CNTNAP2: variants seen among roughly 807,000 people sequenced by gnomAD.
CNTNAP2 encodes the protein contactin associated protein 2.
CNTNAP2 carries 98 observed loss-of-function variants against 155.2 expected under a neutral mutation model. The observed-to-expected ratio is 0.63, with a 90% CI of 0.54 to 0.75. CNTNAP2 has a LOEUF of 0.75. CNTNAP2 is among the 30% of genes least tolerant of loss of function. CNTNAP2 has a pLI of 0.00. For missense variants in CNTNAP2, 1,727 were observed against 1,688.1 expected (o/e 1.02, Z -0.40); for synonymous variants, 651 against 631.2 (o/e 1.03, Z -0.47).
chr7:147,502,737 GTGTGTA>G (rs760646816), intron 11 of CNTNAP2, among the ~76,000 whole-genome samples: 5,688 of 92,052 alleles, frequency 0.062, 285 homozygotes, highest in African/African-American at 0.19. Flanking sequence ...GTGTGTGTGT[GTGTGTA>G]TATATATATA....
chr7:147,735,589 GTC>G (rs1167945077), intron 13 of CNTNAP2, among the ~76,000 whole-genome samples: 1 of 144,290 alleles, frequency 6.9e-6, no homozygotes, highest in Non-Finnish European at 1.6e-5. Flanking sequence ...ATAACTTTCT[GTC>G]TTGTTGATCT....
intron 8 of CNTNAP2, among the ~76,000 whole-genome samples, chr7:147,197,390 A>C (rs1160552557): frequency 7.9e-6 from 1 of 125,808 alleles, no homozygotes; most frequent in Non-Finnish European, 1.6e-5. Flanking sequence ...TGCTTTTGTC[A>C]CTTGATTCTT....
rs529849180 is a variant in CNTNAP2, at chr7:147,326,131, A to T, written c.1498+25841A>T. On this transcript the variant is annotated intron_variant, in intron 9 of 23. Transcript: ENST00000361727. ...AGTAGAGATGGGGTTTCACCGTGTT[A>T]GCCAGGATGGTCTCGATCTCCTGAC... 2.0e-5 allele frequency among the ~76,000 whole-genome samples: 3 copies of T among 152,240 alleles called. No homozygotes were observed. The East Asian group carries it at 5.8e-4, about 30-fold the overall frequency.
intron 4 of CNTNAP2, among the ~76,000 whole-genome samples, chr7:147,105,372 A>G (rs1008559207): frequency 6.6e-6 from 1 of 151,960 alleles, no homozygotes; most frequent in Non-Finnish European, 1.5e-5. Flanking sequence ...TATTGTTCAG[A>G]TTGCTTAAAC....
At chr7:146,192,302 A>C (rs1035943729) in intron 1 of CNTNAP2, among the ~76,000 whole-genome samples, 2 of 152,118 alleles carry the variant, frequency 1.3e-5, no homozygotes, top group Non-Finnish European at 2.9e-5. Flanking sequence ...CCTGCCCCCC[A>C]AAAAAGCATT....
chr7:147,736,971 C>A (rs1448178868), intron 13 of CNTNAP2, among the ~76,000 whole-genome samples: 1 of 152,160 alleles, frequency 6.6e-6, no homozygotes, highest in African/African-American at 2.4e-5. Context: ...GTTCGAACTT[C>A]TTCCTTTAGC....
At chr7:147,735,896 T>C (rs1796834627) in intron 13 of CNTNAP2, among the ~76,000 whole-genome samples, 1 of 151,460 alleles carries the variant, frequency 6.6e-6, no homozygotes, top group African/African-American at 2.4e-5. Context: ...CCCATCCCTT[T>C]ATTTTGAGCC....
chr7:146,826,662 C>A (rs1316788637), intron 2 of CNTNAP2, among the ~76,000 whole-genome samples: 1 of 152,032 alleles, frequency 6.6e-6, no homozygotes, highest in Non-Finnish European at 1.5e-5. Flanking sequence ...GTAAAACTTA[C>A]TGAGACAGAA....
intron 1 of CNTNAP2, among the ~76,000 whole-genome samples, chr7:146,652,929 T>C (rs1240518062): frequency 1.3e-5 from 2 of 152,172 alleles, no homozygotes; most frequent in African/African-American, 4.8e-5. Context: ...CCAGAGACTG[T>C]GGAGTCTTTC....
At chr7:147,398,589 C>CTTTTTTT (rs58507416) in intron 10 of CNTNAP2, among the ~76,000 whole-genome samples, 1 of 87,718 alleles carries the variant, frequency 1.1e-5, no homozygotes, top group African/African-American at 4.5e-5. Flanking sequence ...ACGATTTGAA[C>CTTTTTTT]TTTTTTTTTT....
chr7:148,390,937 G>T (rs1799332898), intron 22 of CNTNAP2, among the ~76,000 whole-genome samples: 1 of 152,210 alleles, frequency 6.6e-6, no homozygotes, highest in Non-Finnish European at 1.5e-5. Context: ...GGCTTCTGGA[G>T]CAGTGCAGCA....
intron 11 of CNTNAP2, among the ~76,000 whole-genome samples, chr7:147,526,907 ATTAAG>A (rs1799331569): frequency 1.3e-5 from 2 of 150,898 alleles, no homozygotes; most frequent in South Asian, 4.3e-4. Flanking sequence ...TAAGCCACGG[ATTAAG>A]TTTTTCTGTC....
At chr7:146,468,090 G>A (rs1473771075) in intron 1 of CNTNAP2, among the ~76,000 whole-genome samples, 2 of 151,956 alleles carry the variant, frequency 1.3e-5, no homozygotes, top group African/African-American at 2.4e-5. Flanking sequence ...AAAGATTTTG[G>A]GTGCAAAAGA....
At chr7:146,418,436 T>C (rs1795966967) in intron 1 of CNTNAP2, among the ~76,000 whole-genome samples, 1 of 152,216 alleles carries the variant, frequency 6.6e-6, no homozygotes, top group South Asian at 2.1e-4. Context: ...GAAATCTCTC[T>C]GTACTTCTTT....
intron 2 of CNTNAP2, among the ~76,000 whole-genome samples, chr7:146,810,253 T>C (rs73170349): frequency 5.4e-4 from 82 of 152,076 alleles, no homozygotes; most frequent in Non-Finnish European, 9.6e-4. Context: ...ATTACTACAG[T>C]TTTATAACAT....
intron 13 of CNTNAP2, among the ~76,000 whole-genome samples, chr7:147,666,850 A>C (rs971005312): frequency 6.6e-6 from 1 of 152,240 alleles, no homozygotes; most frequent in Non-Finnish European, 1.5e-5. Context: ...GGTCTGTCCC[A>C]TTCCACCATA....
chr7:146,847,330 T>C (rs1000962647), intron 3 of CNTNAP2, among the ~76,000 whole-genome samples: 1 of 152,158 alleles, frequency 6.6e-6, no homozygotes, highest in Admixed American at 6.5e-5. Context: ...AGTAATTCTA[T>C]GTTACACTCT....
At chr7:148,415,299 G>A (rs1290022365) in intron 23 of CNTNAP2, 118 bp from the exon 24 acceptor site, 19 of 1,017,150 alleles carry the variant, frequency 1.9e-5, no homozygotes, top group Non-Finnish European at 2.5e-5. Context: ...TGTTGTTTTG[G>A]AGGTTGTGTT....
At chr7:147,680,175 T>C (rs1454291987) in intron 13 of CNTNAP2, among the ~76,000 whole-genome samples, 1 of 151,924 alleles carries the variant, frequency 6.6e-6, no homozygotes, top group Non-Finnish European at 1.5e-5. Context: ...CAGGGGACTA[T>C]GTGCAGCATT....
Sources: allele counts gnomAD v4.1 joint callset (sites outside exome capture counted in the v4.1 genomes callset), GRCh38; gene constraint gnomAD v4.1.1; transcripts MANE v1.5; gene names NCBI Gene and HGNC (gene_info 2026-07-23, HGNC 2026-07-21).